The following CHRM3 variants were observed in gnomAD, a reference collection of about 807,000 sequenced individuals.
CHRM3 encodes muscarinic acetylcholine receptor M3.
Under a neutral mutation model 41.8 loss-of-function variants are expected in CHRM3, and 11 were observed. The observed-to-expected ratio is 0.26, with a 90% CI of 0.17 to 0.44. The LOEUF (loss-of-function observed/expected upper bound fraction) is 0.44. Among genes scored for constraint, CHRM3 ranks in the 20% least tolerant of loss-of-function variants. CHRM3 has a pLI of 1.00. For missense variants in CHRM3, 571 were observed against 745.4 expected (o/e 0.77, Z 2.72); for synonymous variants, 297 against 301.4 (o/e 0.99, Z 0.15).
intron 5 of CHRM3, among the ~76,000 whole-genome samples, chr1:239,720,600 T>C (rs113867901): frequency 8.6e-5 from 13 of 151,966 alleles, no homozygotes; most frequent in African/African-American, 3.1e-4. Flanking sequence ...TCCTAAGCCT[T>C]AAAGGGTTTT....
At chr1:239,430,157 G>A (rs916284283) in intron 1 of CHRM3, among the ~76,000 whole-genome samples, 7 of 151,438 alleles carry the variant, frequency 4.6e-5, no homozygotes, top group African/African-American at 2.4e-5. Context: ...TAGTAGAGAC[G>A]GGGTTTCACC....
At chr1:239,601,876 T>G (rs1375063680) in intron 3 of CHRM3, among the ~76,000 whole-genome samples, 1 of 151,944 alleles carries the variant, frequency 6.6e-6, no homozygotes, top group Non-Finnish European at 1.5e-5. Flanking sequence ...TCCGCCACAA[T>G]AGTCTTCAGT....
chr1:239,540,489 AC>A (rs1658667246), intron 2 of CHRM3, among the ~76,000 whole-genome samples: 1 of 152,222 alleles, frequency 6.6e-6, no homozygotes, highest in South Asian at 2.1e-4. Context: ...ATTATCTTGC[AC>A]CAGAAGAAAT....
At chr1:239,492,568 T>G (rs1667623105) in intron 1 of CHRM3, 141 bp from the exon 2 acceptor site, 1 of 152,164 alleles carries the variant, frequency 6.6e-6, no homozygotes, top group Non-Finnish European at 1.5e-5. Flanking sequence ...GGGAGACACT[T>G]TTATCCCAAC....
At chr1:239,615,463 G>A (rs1667530882) in intron 3 of CHRM3, among the ~76,000 whole-genome samples, 1 of 152,132 alleles carries the variant, frequency 6.6e-6, no homozygotes, top group South Asian at 2.1e-4. Context: ...GGGATGGTAG[G>A]AATCCTCCAG....
intron 5 of CHRM3, among the ~76,000 whole-genome samples, chr1:239,811,147 A>C (rs1234212470): frequency 6.6e-6 from 1 of 152,222 alleles, no homozygotes; most frequent in Non-Finnish European, 1.5e-5. Flanking sequence ...AAATCCCAAT[A>C]GCATTTCAAG....
chr1:239,896,370 G>A (rs552716592), intron 6 of CHRM3, among the ~76,000 whole-genome samples: 46 of 152,340 alleles, frequency 3.0e-4, no homozygotes, highest in South Asian at 8.3e-4. Flanking sequence ...TCATGGCATT[G>A]CCAACAAGTG....
intron 1 of CHRM3, among the ~76,000 whole-genome samples, chr1:239,422,453 A>T (rs944408903): frequency 1.3e-5 from 2 of 152,094 alleles, no homozygotes; most frequent in African/African-American, 4.8e-5. Flanking sequence ...CAGTTTTATT[A>T]TGTTGAACCT....
At chr1:239,790,332 T>C (rs1669238609) in intron 5 of CHRM3, among the ~76,000 whole-genome samples, 1 of 152,180 alleles carries the variant, frequency 6.6e-6, no homozygotes, top group South Asian at 2.1e-4. Flanking sequence ...AATTCTCACC[T>C]TGAATTGTAG....
intron 2 of CHRM3, among the ~76,000 whole-genome samples, chr1:239,539,789 A>ATTT (rs33954303): frequency 2.0e-5 from 3 of 151,746 alleles, no homozygotes; most frequent in South Asian, 2.1e-4. Context: ...TAATTTTGGC[A>ATTT]TTTTTTTAGT....
chr1:239,728,779 A>C (rs1663681935), intron 5 of CHRM3, among the ~76,000 whole-genome samples: 1 of 152,112 alleles, frequency 6.6e-6, no homozygotes, highest in East Asian at 1.9e-4. Context: ...TTGTGTGCAC[A>C]CACACACACT....
At chr1:239,828,689 G>A (rs1244789949) in intron 6 of CHRM3, among the ~76,000 whole-genome samples, 2 of 152,068 alleles carry the variant, frequency 1.3e-5, no homozygotes, top group Non-Finnish European at 1.5e-5. Flanking sequence ...CAAGGGGAGA[G>A]GGGTATGAGA....
chr1:239,549,195 C>T (rs1295335564), intron 3 of CHRM3, among the ~76,000 whole-genome samples: 1 of 152,148 alleles, frequency 6.6e-6, no homozygotes, highest in Non-Finnish European at 1.5e-5. Flanking sequence ...CCTCCCACAA[C>T]ATGTGGGAAT....
At chr1:239,707,247 A>G (rs1661282955) in intron 5 of CHRM3, 1 of 152,230 alleles carries the variant, frequency 6.6e-6, no homozygotes, top group South Asian at 2.1e-4. Flanking sequence ...TTTAATAACC[A>G]AAAAGATTCC....
chr1:239,895,593 AT>A (rs1028312702), intron 6 of CHRM3, among the ~76,000 whole-genome samples: 2 of 152,074 alleles, frequency 1.3e-5, no homozygotes, highest in Admixed American at 6.6e-5. Flanking sequence ...AATAGATTGG[AT>A]TTTTTTTAAA....
At chr1:239,724,565 G>A (rs559064467) in intron 5 of CHRM3, among the ~76,000 whole-genome samples, 1 of 152,018 alleles carries the variant, frequency 6.6e-6, no homozygotes, top group South Asian at 2.1e-4. Flanking sequence ...GATTATAGAG[G>A]TGAAGTGCTT....
At chr1:239,610,697 A>G (rs1666915209) in intron 3 of CHRM3, among the ~76,000 whole-genome samples, 1 of 152,156 alleles carries the variant, frequency 6.6e-6, no homozygotes, top group African/African-American at 2.4e-5. Flanking sequence ...GTTCACATCA[A>G]GCCTCCTTAA....
At chr1:239,868,211 A>G (rs1676278117) in intron 6 of CHRM3, among the ~76,000 whole-genome samples, 1 of 152,222 alleles carries the variant, frequency 6.6e-6, no homozygotes, top group South Asian at 2.1e-4. Flanking sequence ...AGAGAACAGA[A>G]GGGAACTCCT....
At chr1:239,491,382 A>G (rs1169533770) in intron 1 of CHRM3, among the ~76,000 whole-genome samples, 1 of 152,140 alleles carries the variant, frequency 6.6e-6, no homozygotes, top group Non-Finnish European at 1.5e-5. Flanking sequence ...CCACTGTTCT[A>G]TTCTATAGGT....
Sources: gnomAD v4.1 joint callset for allele counts (sites outside exome capture counted in the v4.1 genomes callset) on GRCh38, gnomAD v4.1.1 for gene constraint, MANE v1.5 for transcripts, NCBI Gene and HGNC (gene_info 2026-07-23, HGNC 2026-07-21) for gene names.